CGN: variants seen among roughly 807,000 people sequenced by gnomAD.
CGN encodes cingulin.
A neutral mutation model predicts 157.1 loss-of-function variants in CGN; 121 were observed. The observed-to-expected ratio is 0.77, with a 90% CI of 0.66 to 0.90. The LOEUF (loss-of-function observed/expected upper bound fraction) is 0.90. Among genes scored for constraint, CGN ranks in the 40% least tolerant of loss-of-function variants. The probability of loss-of-function intolerance (pLI) is 0.00; values close to 1 mark genes in which losing one functional copy is unlikely to be tolerated. For synonymous variants in CGN, 535 were observed against 607.5 expected, an observed-to-expected ratio of 0.88 and a Z score of 1.76; for missense variants, 1,424 against 1,520.9, an observed-to-expected ratio of 0.94 and a Z score of 1.06.
chr1:151,532,610 C>CCCT, intron 14 of CGN, 38 bp downstream of exon 14: 1 of 1,066,690 alleles, frequency 9.4e-7, no homozygotes, highest in Non-Finnish European at 1.2e-6. Context: ...AGGTCCTTGC[C>CCCT]TCTTTTTTTT....
chr1:151,533,085 G>C (rs1664875387), intron 14 of CGN, among the ~76,000 whole-genome samples: 1 of 152,170 alleles, frequency 6.6e-6, no homozygotes, highest in Non-Finnish European at 1.5e-5. Context: ...CACCCAGGCT[G>C]TATCCCATAC....
chr1:151,534,847 T>A lies in CGN; in HGVS notation c.2905-195T>A, dbSNP rs1664921068. ...CCGTCACCAGAGCATGGCCCCGACC[T>A]GCCCATGATGCCACATCTGGTCAGT... On this transcript the variant is annotated intron_variant, in intron 15 of 20. Transcript: ENST00000271636. The A allele has an allele frequency of 8.9e-6, 5 of 563,494 alleles. No individual in the cohort carries two copies. The East Asian group carries it at 1.5e-4, about 17-fold the overall frequency. The allele number at this position is 563,494 out of a possible 1,614,324, so 34.9% of individuals were successfully genotyped here.
At chr1:151,527,200 C>T (rs1389205917) in intron 10 of CGN, 93 bp downstream of exon 10, 13 of 1,434,038 alleles carry the variant, frequency 9.1e-6, no homozygotes, top group Non-Finnish European at 1.3e-5. Context: ...GGGGCTATCT[C>T]CTGTGTGCTT....
chr1:151,532,027 G>C (rs1234689618), intron 13 of CGN, among the ~76,000 whole-genome samples: 4 of 151,742 alleles, frequency 2.6e-5, no homozygotes, highest in Non-Finnish European at 5.9e-5. Context: ...TGGCACCTTG[G>C]GTTTGCTGAA....
intron 4 of CGN, 23 bp from the exon 5 acceptor site, chr1:151,520,573 C>T (rs1664521789): frequency 6.2e-7 from 1 of 1,613,510 alleles, no homozygotes; most frequent in African/African-American, 1.3e-5. Context: ...TCCCTTCCCC[C>T]ACACCCCCCA....
rs140819398 is a variant in CGN, at chr1:151,535,814, A to G, written c.3113A>G (p.Glu1038Gly). The G allele has an allele frequency of 2.4e-4, 393 of 1,614,196 alleles. 2 individuals are homozygous for G. Among genetic ancestry groups the G allele is most frequent in the Middle Eastern group, 5.0e-4 (3 of 6,060 alleles). ...CTGAAGACCCGGTTGGCCAGCTCAG[A>G]AGGCTTCCAGAAGCCTAGTGCCAGC... is the stretch of plus-strand genomic sequence containing the variant. ...KDLKTRLASS[E>G]GFQKPSASLS... The change falls in exon 18 of 21, where the codon GAA (glutamate) becomes GGA (glycine). Residue 1038 changes from glutamate (E) to glycine (G), a missense_variant. Coordinates refer to ENST00000271636, the MANE Select transcript of CGN (RefSeq NM_020770.3).
In CGN at chr1:151,525,647, T is replaced by C. The variant is rs367748641; in HGVS notation, c.1620T>C (p.His540=). The part of the protein sequence containing the change: ...RRSMQDATQD[H]AVLEAERQKM... ...CCAACTCTCCCCTTCTCTAGGACCA[T>C]GCAGTGCTGGAGGCCGAGAGGCAGA... Residue 540 remains histidine, a synonymous_variant, in exon 9 of 21, where the codon CAT becomes CAC. Coordinates refer to ENST00000271636, the MANE Select transcript of CGN (RefSeq NM_020770.3). 1.7e-5 allele frequency: 27 copies of C among 1,597,180 alleles called. No homozygotes were observed. Among genetic ancestry groups the C allele is most frequent in the Non-Finnish European group, 2.0e-5 (23 of 1,172,486 alleles).
chr1:151,527,894 C>T, intron 10 of CGN: 1 of 301,552 alleles, frequency 3.3e-6, no homozygotes, highest in South Asian at 2.8e-5. Flanking sequence ...AAAGTCTCTC[C>T]AGGTTGCTCT....
chr1:151,532,486 G>GA lies in CGN; in HGVS notation c.2657dup (p.Val887GlyfsTer14), dbSNP rs1664860993. The GA allele has an allele frequency of 6.2e-7, 1 of 1,610,422 alleles. No individual in the cohort carries two copies. On this transcript the variant is annotated frameshift_variant, in exon 14 of 21. Transcript: ENST00000271636. LOFTEE classifies it high-confidence loss of function. ...GGATTATAAGGAAAAGGCCCGGCGG[G>GA]AGGTGGCAGATGCCCAGCGCCAGGC...
At chr1:151,527,861 G>A (rs1664721049) in intron 10 of CGN, 7 of 265,286 alleles carry the variant, frequency 2.6e-5, no homozygotes, top group South Asian at 2.6e-4. Context: ...GCAGCTGCAG[G>A]GATTGTGCTG....
chr1:151,535,578 T>C, intron 16 of CGN, 22 bp from the exon 17 acceptor site: 1 of 1,601,180 alleles, frequency 6.2e-7, no homozygotes, highest in Non-Finnish European at 8.6e-7. Context: ...CCAAGTCTGG[T>C]CCTCTCACCC....
intron 10 of CGN, chr1:151,528,037 G>A (rs1664734446): frequency 6.8e-6 from 1 of 146,504 alleles, no homozygotes. Context: ...CTCACTGCAA[G>A]CTCCGCCTCC....
In CGN at chr1:151,532,680, C is replaced by T. The variant is rs796106407; in HGVS notation, c.2742+108C>T. 7.7e-5 allele frequency: 70 copies of T among 905,844 alleles called. No homozygotes were observed. In the African/African-American group the frequency reaches 1.1e-3, roughly 15 times the overall value. 56.1% of individuals were successfully genotyped at this position (905,844 alleles called of 1,614,324 possible). ...TGTCGCCCAGGCTGGAGTTCAGTGG[C>T]GCGATCTTGGCTCACTGCAAGCTCT... is the stretch of plus-strand genomic sequence containing the variant. On this transcript the variant is annotated intron_variant, in intron 14 of 20. Coordinates refer to ENST00000271636, the MANE Select transcript of CGN (RefSeq NM_020770.3).
chr1:151,519,384 A>G lies in CGN; in HGVS notation c.865A>G (p.Met289Val), dbSNP rs146676976. The change falls in exon 2 of 21, where the codon ATG (methionine) becomes GTG (valine). Residue 289 changes from methionine (M) to valine (V), a missense_variant. Physicochemically the swap from Met to Val is conservative, Grantham distance 21 (BLOSUM62 1). Around this residue, in one of 3 missense-constraint regions of CGN, gnomAD observed 1,187 missense variants for 1,217.6 expected, o/e 0.97. Transcript: ENST00000271636. Reference sequence around the variant, plus strand: ...GCGGAGGAGTGCACAGGACCCCACCATGCTGCAGGTCAGACCCAGCCCCTC... The same window carrying G: ...GCGGAGGAGTGCACAGGACCCCACCGTGCTGCAGGTCAGACCCAGCCCCTC... ...EPRRSAQDPT[M>V]LQFKSTPDLL... 112 of 1,590,486 alleles carry G rather than the reference A, an allele frequency of 7.0e-5. No individual in the cohort carries two copies. Among genetic ancestry groups the G allele is most frequent in the Non-Finnish European group, 9.0e-5 (106 of 1,174,808 alleles).
chr1:151,517,266 A>G (rs1045668503), intron 1 of CGN, among the ~76,000 whole-genome samples: 2 of 152,198 alleles, frequency 1.3e-5, no homozygotes, highest in Non-Finnish European at 2.9e-5. Context: ...CTGCTCTTCC[A>G]GAGAATAGAA....
intron 4 of CGN, 28 bp downstream of exon 4, chr1:151,520,511 A>C (rs778192060): frequency 8.7e-6 from 14 of 1,612,976 alleles, no homozygotes; most frequent in Admixed American, 3.3e-5. Flanking sequence ...GATGGGAGCA[A>C]GGGTCAAGGT....
Position 151,530,640 on chromosome 1 carries a change from C to T in CGN, c.2465C>T (p.Ala822Val). The change falls in exon 13 of 21, where the codon GCC becomes GTC. Residue 822 changes from alanine (A) to valine (V), a missense_variant. Ala to Val is a moderately conservative substitution (Grantham distance 64, BLOSUM62 0). Around this residue, in one of 3 missense-constraint regions of CGN, gnomAD observed 1,187 missense variants for 1,217.6 expected, o/e 0.97. Transcript: ENST00000271636. ...CAGGAGCAGCAGACACTGAACCGGG[C>T]CCTGGAGGAGGAAGGGAAGCAGCGG... The part of the protein sequence containing the change: ...LGQEQQTLNR[A>V]LEEEGKQREV... 3 of 1,598,926 alleles carry T rather than the reference C, an allele frequency of 1.9e-6. No homozygotes were observed. Among genetic ancestry groups the T allele is most frequent in the Non-Finnish European group, 2.6e-6 (3 of 1,172,332 alleles).
chr1:151,530,599 G>T lies in CGN; in HGVS notation c.2424G>T (p.Gly808=), dbSNP rs1484851627. The change falls in exon 13 of 21, where the codon GGG becomes GGT. Residue 808 remains glycine, a synonymous_variant. Transcript: ENST00000271636. ...LEARLEEAQR[G]LARLGQEQQT... Reference sequence around the variant, plus strand: ...CACGCCTAGAGGAGGCTCAGCGGGGGCTGGCCCGCCTGGGGCAGGAGCAGC... The same window carrying T: ...CACGCCTAGAGGAGGCTCAGCGGGGTCTGGCCCGCCTGGGGCAGGAGCAGC... 2 of 1,611,584 alleles carry T rather than the reference G, an allele frequency of 1.2e-6. No homozygotes were observed. The highest frequency in any genetic ancestry group is 1.7e-6 in the Non-Finnish European group (2 of 1,178,888).
intron 12 of CGN, 68 bp from the exon 13 acceptor site, chr1:151,530,421 C>CCA: frequency 1.3e-6 from 2 of 1,492,796 alleles, no homozygotes; most frequent in Non-Finnish European, 1.8e-6. Context: ...GCCCAGCTAC[C>CCA]CACCTCCAAA....
Sources: allele counts gnomAD v4.1 joint callset (sites outside exome capture counted in the v4.1 genomes callset), GRCh38; gene constraint gnomAD v4.1.1; regional missense constraint gnomAD v4.1.1; transcripts MANE v1.5; gene names NCBI Gene and HGNC (gene_info 2026-07-23, HGNC 2026-07-21).